GARS1: variants seen among roughly 807,000 people sequenced by gnomAD.
GARS1 encodes the protein glycine--tRNA ligase.
A neutral mutation model predicts 86.4 loss-of-function variants in GARS1; 46 were observed. The observed-to-expected ratio is 0.53, with a 90% confidence interval of 0.42 to 0.68. GARS1 has a LOEUF of 0.68. GARS1 is among the 30% of genes least tolerant of loss of function. The pLI is 0.00. For synonymous variants in GARS1, 342 were observed against 329.8 expected (o/e 1.04, Z -0.40); for missense variants, 797 against 915.6 (o/e 0.87, Z 1.67).
chr7:30,621,758 C>T (rs187948457), intron 11 of GARS1: 2 of 551,558 alleles, frequency 3.6e-6, no homozygotes, highest in East Asian at 3.1e-5. Context: ...TCTTTCAGAA[C>T]GTTAATAGTT....
At chr7:30,616,773 G>A (rs1488146297) in intron 9 of GARS1, among the ~76,000 whole-genome samples, 1 of 152,128 alleles carries the variant, frequency 6.6e-6, no homozygotes, top group Non-Finnish European at 1.5e-5. Context: ...AATTCAGAGG[G>A]GAATGTCTTT....
intron 12 of GARS1, among the ~76,000 whole-genome samples, chr7:30,625,418 T>A (rs2128135534): frequency 6.6e-6 from 1 of 152,304 alleles, no homozygotes; most frequent in African/African-American, 2.4e-5. Context: ...GGCATGAGAT[T>A]ATCACAGGTG....
At position 30,633,779 on chromosome 7, in the gene GARS1, C is replaced by T; in HGVS notation, c.2139C>T (p.Asn713=). 1 of 1,611,232 alleles carries T rather than the reference C, an allele frequency of 6.2e-7. No homozygotes were observed. The highest frequency in any genetic ancestry group is 1.1e-5 in the South Asian group (1 of 91,044). Residue 713 remains asparagine (N), a synonymous_variant, in exon 17 of 17, where the codon AAC becomes AAT. Transcript: ENST00000389266. ...TAGTCCAAGACCTAGCCAATGGCAA[C>T]ATCACATGGGCTGATGTGGAGGCCA... ...PSIVQDLANG[N]ITWADVEARY...
At position 30,632,847 on chromosome 7, in the gene GARS1, C is replaced by T. The variant is rs1185133237; in HGVS notation, c.2094+410C>T. 6.6e-6 allele frequency among the ~76,000 whole-genome samples: 1 copy of T among 152,134 alleles called. No individual in the cohort carries two copies. Among genetic ancestry groups the T allele is most frequent in the African/African-American group, 2.4e-5 (1 of 41,446 alleles). ...CTTTTCCGTGTTCATATATTCAAAA[C>T]AGTGAATCATGTTTCAGTAGTTTTG... On this transcript the variant is annotated intron_variant, in intron 16 of 16. Coordinates refer to ENST00000389266, the MANE Select transcript of GARS1 (RefSeq NM_002047.4). This position sits in a 1 kb window ranked among gnomAD's most constrained non-coding sequence, Gnocchi z 4.1.
chr7:30,622,190 A>C (rs1584044388), intron 11 of GARS1, 127 bp from the exon 12 acceptor site: 2 of 1,113,292 alleles, frequency 1.8e-6, no homozygotes, highest in African/African-American at 3.1e-5. Context: ...TAAAATCAGC[A>C]TAAACAGGAT....
chr7:30,622,163 G>T (rs147976593), intron 11 of GARS1, 154 bp from the exon 12 acceptor site: 1 of 797,934 alleles, frequency 1.3e-6, no homozygotes, highest in African/African-American at 1.7e-5. Context: ...TTTGTGGACA[G>T]GTGTTTCATC....
chr7:30,620,090 T>G (rs1221354140), intron 10 of GARS1, among the ~76,000 whole-genome samples: 1 of 149,640 alleles, frequency 6.7e-6, no homozygotes, highest in Non-Finnish European at 1.5e-5. Context: ...CTTAGTAGTT[T>G]TGATGGTTGA....
chr7:30,604,155 A>G (rs1026068949), intron 6 of GARS1, among the ~76,000 whole-genome samples: 2 of 152,190 alleles, frequency 1.3e-5, no homozygotes, highest in African/African-American at 4.8e-5. Flanking sequence ...AATACTTTCT[A>G]TATTAGAAGT....
intron 10 of GARS1, among the ~76,000 whole-genome samples, chr7:30,620,889 A>G (rs548812341): frequency 3.9e-5 from 6 of 152,346 alleles, no homozygotes; most frequent in African/African-American, 1.4e-4. Context: ...ATTTCTGTTC[A>G]CAAATTTGAA....
At chr7:30,608,389 C>G (rs534182801) in intron 6 of GARS1, among the ~76,000 whole-genome samples, 1 of 152,274 alleles carries the variant, frequency 6.6e-6, no homozygotes, top group Admixed American at 6.5e-5. Context: ...TCCTCAGGCT[C>G]TTTAACTTTC....
intron 12 of GARS1, chr7:30,622,698 C>G: frequency 2.0e-6 from 1 of 499,174 alleles, no homozygotes; most frequent in South Asian, 2.1e-5. Context: ...CTTGTCCAGC[C>G]AGGCTGAGGA....
intron 10 of GARS1, 110 bp from the exon 11 acceptor site, chr7:30,621,283 T>G (rs1363936511): frequency 1.1e-6 from 1 of 898,892 alleles, no homozygotes; most frequent in East Asian, 2.5e-5. Flanking sequence ...GATTATATCA[T>G]CGAATTATCA....
chr7:30,595,229 C>G (rs1460666821), intron 1 of GARS1, 86 bp downstream of exon 1: 2 of 1,205,116 alleles, frequency 1.7e-6, no homozygotes, highest in Non-Finnish European at 2.4e-6. Flanking sequence ...CCCCGGGGAA[C>G]TGTCCTCCTC....
intron 16 of GARS1, 62 bp from the exon 17 acceptor site, chr7:30,633,673 A>ATCT: frequency 6.3e-7 from 1 of 1,586,908 alleles, no homozygotes; most frequent in South Asian, 1.1e-5. Flanking sequence ...TTCAGGATGA[A>ATCT]TCTTCTTCTT....
Position 30,621,465 on chromosome 7 carries a change from G to A in GARS1, c.1432G>A (p.Val478Ile), listed in dbSNP as rs1238026762. 5 of 1,614,016 alleles carry A rather than the reference G, an allele frequency of 3.1e-6. No individual in the cohort carries two copies. The highest frequency in any genetic ancestry group is 4.2e-6 in the Non-Finnish European group (5 of 1,180,016). The change falls in exon 11 of 17, where the codon GTC (valine) becomes ATC (isoleucine). Residue 478 changes from valine to isoleucine, a missense_variant. Physicochemically the swap from Val to Ile is conservative, Grantham distance 29 (BLOSUM62 3). Coordinates refer to ENST00000389266, the MANE Select transcript of GARS1 (RefSeq NM_002047.4). ...CTCCTGTCATGCACGAGCCACCAAAGTCCCACTTGTAGCTGAGAAACCTCT... is the reference window on the plus strand; with the variant it reads ...CTCCTGTCATGCACGAGCCACCAAAATCCCACTTGTAGCTGAGAAACCTCT... ...DLSCHARATK[V>I]PLVAEKPLKE... is the part of the protein sequence containing the mutation.
At position 30,617,294 on chromosome 7, in the gene GARS1, T is replaced by TA. The variant is rs756170882; in HGVS notation, c.1359+16_1359+17insA. The TA allele has an allele frequency of 3.7e-6, 6 of 1,613,082 alleles. No individual in the cohort carries two copies. In the South Asian group the frequency reaches 6.6e-5, roughly 18 times the overall value. On this transcript the variant is annotated intron_variant, in intron 10 of 16. Coordinates refer to ENST00000389266, the MANE Select transcript of GARS1 (RefSeq NM_002047.4). ...AACATCCTACGTAAGTGGAGTGCTG[T>TA]TTACCATGTGATTTTCACATTGTTA...
intron 7 of GARS1, among the ~76,000 whole-genome samples, chr7:30,610,012 A>G (rs1458063890): frequency 6.6e-6 from 1 of 152,216 alleles, no homozygotes; most frequent in Non-Finnish European, 1.5e-5. Context: ...GGGACAGTTG[A>G]AGAATGGTTT....
rs531483802 is a variant in GARS1, at chr7:30,594,886, C to A, written c.-36C>A. ...GCCGGGCGGCGCGCGCCGCTTCCGT[C>A]GCCACCCTCTCTGGACAGCCCAGGG... On this transcript the variant is annotated 5_prime_UTR_variant, in exon 1 of 17. Coordinates refer to ENST00000389266, the MANE Select transcript of GARS1 (RefSeq NM_002047.4). 3.6e-5 allele frequency: 55 copies of A among 1,510,288 alleles called. No individual in the cohort carries two copies. In the South Asian group the frequency reaches 6.0e-4, roughly 16 times the overall value. The allele number at this position is 1,510,288 out of a possible 1,614,324, so 93.6% of individuals were successfully genotyped here.
intron 7 of GARS1, 29 bp from the exon 8 acceptor site, chr7:30,612,067 G>A (rs1562776087): frequency 6.3e-7 from 1 of 1,596,384 alleles, no homozygotes; most frequent in African/African-American, 1.3e-5. Context: ...TTCTTTCTTT[G>A]TAACAGACTG....
Sources: gnomAD v4.1 joint callset for allele counts (sites outside exome capture counted in the v4.1 genomes callset) on GRCh38, gnomAD v4.1.1 for gene constraint, Gnocchi (gnomAD v3.1) non-coding constraint, MANE v1.5 for transcripts, NCBI Gene and HGNC (gene_info 2026-07-23, HGNC 2026-07-21) for gene names.